LRBA: variants seen among roughly 807,000 people sequenced by gnomAD.
LRBA encodes the protein lipopolysaccharide-responsive and beige-like anchor protein.
A neutral mutation model predicts 330.0 loss-of-function variants in LRBA; 176 were observed. The observed-to-expected ratio is 0.53, with a 90% confidence interval of 0.47 to 0.60. The LOEUF is 0.60. LRBA is among the 20% of genes least tolerant of loss of function. The pLI, the probability that LRBA is intolerant of heterozygous loss-of-function variation, is 0.00. For synonymous variants in LRBA, 1,230 were observed against 1,193.0 expected, an observed-to-expected ratio of 1.03 and a Z score of -0.64; for missense variants, 3,259 against 3,444.8, an observed-to-expected ratio of 0.95 and a Z score of 1.35.
At chr4:150,411,646 G>A (rs1024449111) in intron 47 of LRBA, among the ~76,000 whole-genome samples, 2 of 152,152 alleles carry the variant, frequency 1.3e-5, no homozygotes, top group Non-Finnish European at 2.9e-5. Context: ...TGTGGCTCTG[G>A]CTATGAGAAG....
At chr4:150,981,127 AC>A (rs1018645947) in intron 2 of LRBA, among the ~76,000 whole-genome samples, 12 of 151,856 alleles carry the variant, frequency 7.9e-5, no homozygotes, top group Admixed American at 1.3e-4. Flanking sequence ...AAAAAAAAAA[AC>A]ATTAGCTCGG....
intron 40 of LRBA, among the ~76,000 whole-genome samples, chr4:150,516,229 T>C (rs1296895237): frequency 1.0e-5 from 1 of 100,304 alleles, no homozygotes; most frequent in Non-Finnish European, 2.3e-5. Context: ...TTTTTTTTTT[T>C]TTTTTTTTTT....
At chr4:150,780,066 C>T (rs1052724495) in intron 34 of LRBA, among the ~76,000 whole-genome samples, 1 of 152,134 alleles carries the variant, frequency 6.6e-6, no homozygotes, top group Non-Finnish European at 1.5e-5. Flanking sequence ...GTAAATAAGC[C>T]ATATAGAAAA....
intron 36 of LRBA, among the ~76,000 whole-genome samples, chr4:150,699,329 C>T (rs567485986): frequency 5.1e-4 from 78 of 152,208 alleles, no homozygotes; most frequent in Middle Eastern, 3.4e-3. Context: ...TTTTGTTTTC[C>T]TCTTCTGCAC....
chr4:150,835,728 A>G (rs1484148369), intron 28 of LRBA, among the ~76,000 whole-genome samples: 1 of 152,190 alleles, frequency 6.6e-6, no homozygotes, highest in African/African-American at 2.4e-5. Context: ...TTCTAAATAT[A>G]CAATCATGTC....
intron 46 of LRBA, chr4:150,423,282 G>T (rs1286402506): frequency 1.9e-5 from 17 of 880,542 alleles, no homozygotes; most frequent in Non-Finnish European, 2.6e-5. Context: ...CTGTAGGGGT[G>T]TCTCCCTTCA....
At chr4:150,854,157 G>T (rs1750949029) in intron 22 of LRBA, among the ~76,000 whole-genome samples, 2 of 152,022 alleles carry the variant, frequency 1.3e-5, no homozygotes, top group Non-Finnish European at 2.9e-5. Context: ...CATGCCATGT[G>T]ATATACCTAA....
In LRBA at chr4:150,850,561, T is replaced by C. The variant is rs115124773; in HGVS notation, c.4004+163A>G. On this transcript the variant is annotated intron_variant, in intron 24 of 56. Transcript: ENST00000651943. ...AATCCAGATAAGGATTCCATTCTTA[T>C]AATGGAGAATAAAAGTGAATTCAGT... Among the ~76,000 whole-genome samples, 980 of 152,330 alleles carry C rather than the reference T, an allele frequency of 6.4e-3. 14 individuals are homozygous for C. Among genetic ancestry groups the C allele is most frequent in the African/African-American group, 0.022 (925 of 41,572 alleles).
Position 150,844,131 on chromosome 4 carries a change from T to C in LRBA, c.4538A>G (p.Asn1513Ser). 6.2e-7 allele frequency: 1 copy of C among 1,611,620 alleles called. No individual in the cohort carries two copies. ...TCTGAAAACAACTGCCCTAAGCCGA[T>C]TAATATCCATGTCCTGTAGAAGCCT... ...LDRLLQDMDI[N>S]RLRAVVFRDI... The change falls in exon 28 of 57, where the codon AAT becomes AGT. Residue 1513 changes from asparagine to serine, a missense_variant. Transcript: ENST00000651943.
intron 40 of LRBA, chr4:150,584,017 A>G (rs1295363748): frequency 1.2e-6 from 2 of 1,613,968 alleles, no homozygotes; most frequent in Non-Finnish European, 1.7e-6. Context: ...CTTTCAGGGC[A>G]AGCCCCATTC....
At chr4:150,561,693 C>T (rs567487488) in intron 40 of LRBA, among the ~76,000 whole-genome samples, 1 of 152,298 alleles carries the variant, frequency 6.6e-6, no homozygotes, top group South Asian at 2.1e-4. Context: ...GTCCTGCCAA[C>T]ACCTTGATTT....
At chr4:150,724,897 T>TAG (rs1729459826) in intron 36 of LRBA, among the ~76,000 whole-genome samples, 1 of 146,578 alleles carries the variant, frequency 6.8e-6, no homozygotes. Context: ...TATATATGTA[T>TAG]ATATATACAC....
At chr4:150,431,936 C>A (rs1048569762) in intron 46 of LRBA, among the ~76,000 whole-genome samples, 2 of 152,044 alleles carry the variant, frequency 1.3e-5, no homozygotes, top group Non-Finnish European at 2.9e-5. Context: ...AAAAAAAGGT[C>A]TCTTCTTTAA....
At chr4:150,936,680 A>G (rs1266212904) in intron 2 of LRBA, among the ~76,000 whole-genome samples, 1 of 152,112 alleles carries the variant, frequency 6.6e-6, no homozygotes. Context: ...AGATACAACA[A>G]TAAAAAAGAC....
chr4:150,365,953 T>C (rs1739413086), intron 47 of LRBA, among the ~76,000 whole-genome samples: 1 of 152,216 alleles, frequency 6.6e-6, no homozygotes, highest in Non-Finnish European at 1.5e-5. Flanking sequence ...CGATTGGTTC[T>C]ACGTTTCTGT....
At chr4:150,615,126 G>A (rs936870970) in intron 37 of LRBA, among the ~76,000 whole-genome samples, 6 of 152,324 alleles carry the variant, frequency 3.9e-5, no homozygotes, top group Non-Finnish European at 5.9e-5. Context: ...TAATGCAAAG[G>A]CCCTGAGGCA....
chr4:150,803,099 C>T (rs1409950270), intron 33 of LRBA, among the ~76,000 whole-genome samples: 1 of 147,064 alleles, frequency 6.8e-6, no homozygotes, highest in Non-Finnish European at 1.5e-5. Context: ...CACACACACA[C>T]ACACACACAC....
chr4:150,946,000 G>A (rs577487990), intron 2 of LRBA, among the ~76,000 whole-genome samples: 9 of 152,068 alleles, frequency 5.9e-5, no homozygotes, highest in African/African-American at 2.2e-4. Context: ...GGGTTTCACC[G>A]TGTTAGCCAG....
chr4:150,980,584 A>C (rs1384862927), intron 2 of LRBA, among the ~76,000 whole-genome samples: 2 of 152,108 alleles, frequency 1.3e-5, no homozygotes, highest in Admixed American at 6.5e-5. Context: ...TGGGAGGCGG[A>C]GGTTGCAGTG....
Sources: gnomAD v4.1 joint callset for allele counts (sites outside exome capture counted in the v4.1 genomes callset) on GRCh38, gnomAD v4.1.1 for gene constraint, MANE v1.5 for transcripts, NCBI Gene and HGNC (gene_info 2026-07-23, HGNC 2026-07-21) for gene names.